Variants in THADA observed in about 807,000 individuals in gnomAD.
THADA encodes THADA armadillo repeat containing.
Under a neutral mutation model 219.8 loss-of-function variants are expected in THADA, and 213 were observed. The ratio of observed to expected loss-of-function variants is 0.97; its 90% CI spans 0.87 to 1.09. The LOEUF (loss-of-function observed/expected upper bound fraction) is 1.09, where lower values mean the gene tolerates loss of function less well. Among genes scored for constraint, THADA ranks in the 50% least tolerant of loss-of-function variants. THADA has a pLI of 0.00. For missense variants in THADA, 2,956 were observed against 2,311.3 expected (o/e 1.28, Z -5.72); for synonymous variants, 1,018 against 828.9 (o/e 1.23, Z -3.92).
At chr2:43,288,374 T>A (rs1170413148) in intron 34 of THADA, among the ~76,000 whole-genome samples, 1 of 152,220 alleles carries the variant, frequency 6.6e-6, no homozygotes, top group Non-Finnish European at 1.5e-5. Flanking sequence ...GCCAAGATCA[T>A]GCCACTGCAC....
intron 26 of THADA, among the ~76,000 whole-genome samples, chr2:43,481,641 C>G (rs1011015856): frequency 5.3e-5 from 8 of 152,184 alleles, no homozygotes; most frequent in African/African-American, 1.9e-4. Context: ...GTATCTGACT[C>G]ACATGTAACA....
chr2:43,292,189 C>A lies in THADA; in HGVS notation c.4852G>T (p.Glu1618Ter). Reference sequence around the variant, plus strand: ...CAGTGCTCCGTCTGGGGAAGCCACTCACCAGGGTCCATGCAGTGGAGAATT... The same window carrying A: ...CAGTGCTCCGTCTGGGGAAGCCACTAACCAGGGTCCATGCAGTGGAGAATT... ...LKILHCMDPG[E>*]WLPQTEHCVH... Residue 1618 changes from glutamate to a stop codon, truncating the protein, a stop_gained, in exon 33 of 38, where the codon GAG becomes TAG. Transcript: ENST00000405975. LOFTEE classifies it high-confidence loss of function. The A allele has an allele frequency of 6.2e-7, 1 of 1,611,662 alleles. No individual in the cohort carries two copies.
intron 30 of THADA, among the ~76,000 whole-genome samples, chr2:43,332,103 T>A (rs1380871824): frequency 6.6e-6 from 1 of 152,246 alleles, no homozygotes; most frequent in Non-Finnish European, 1.5e-5. Flanking sequence ...ATTATTTTTT[T>A]GAGACAGAAT....
chr2:43,311,654 A>G (rs891994501), intron 31 of THADA, among the ~76,000 whole-genome samples: 4 of 152,256 alleles, frequency 2.6e-5, no homozygotes, highest in African/African-American at 7.2e-5. Flanking sequence ...ACAAAATGTG[A>G]TATCTATATA....
chr2:43,322,160 A>G lies in THADA; in HGVS notation c.4344-1620T>C, dbSNP rs546795527. On this transcript the variant is annotated intron_variant, in intron 30 of 37. Transcript: ENST00000405975. The stretch of plus-strand genomic sequence containing the variant: ...GTGATTATCCTGCCTCAGCCTCCCA[A>G]GTAGCTGGGATTACAGGGGGTAAGA... Among the ~76,000 whole-genome samples the G allele has an allele frequency of 5.3e-5, 8 of 152,006 alleles. No individual in the cohort carries two copies. The East Asian group carries it at 7.8e-4, about 15-fold the overall frequency.
intron 4 of THADA, among the ~76,000 whole-genome samples, 180 bp downstream of exon 4, chr2:43,590,644 C>CAAAAAAA (rs768406325): frequency 1.7e-5 from 1 of 59,232 alleles, no homozygotes; most frequent in Admixed American, 1.7e-4. Flanking sequence ...GACTCCGTCT[C>CAAAAAAA]AAAAAAAAAA....
chr2:43,232,876 G>A lies in THADA; in HGVS notation c.5303C>T (p.Ala1768Val). Residue 1768 changes from alanine to valine, a missense_variant, in exon 37 of 38, where the codon GCC becomes GTC. By Grantham distance (64) the Ala-to-Val change is moderately conservative (BLOSUM62 0). Coordinates refer to ENST00000405975, the MANE Select transcript of THADA (RefSeq NM_022065.5). ...QENTCQSTEF[A>V]FCQVDASIAL... ...GATGGAGGCATCCACCTGGCAGAAG[G>A]CAAACTCTGCAAAGACAGGAGAAAG... The A allele has an allele frequency of 1.2e-6, 2 of 1,607,906 alleles. No individual in the cohort carries two copies. Among genetic ancestry groups the A allele is most frequent in the Middle Eastern group, 1.7e-4 (1 of 6,008 alleles).
chr2:43,249,177 TC>T (rs1285665881), intron 36 of THADA, among the ~76,000 whole-genome samples: 2 of 151,960 alleles, frequency 1.3e-5, no homozygotes, highest in Non-Finnish European at 2.9e-5. Flanking sequence ...AGCCTCAACC[TC>T]CTGGGCTCAA....
intron 7 of THADA, among the ~76,000 whole-genome samples, chr2:43,582,249 C>T (rs1015012553): frequency 6.6e-6 from 1 of 152,154 alleles, no homozygotes; most frequent in African/African-American, 2.4e-5. Flanking sequence ...GTAATCCCAG[C>T]ACTTTGGTAG....
chr2:43,448,944 G>A (rs1280350264), intron 26 of THADA, among the ~76,000 whole-genome samples: 1 of 152,048 alleles, frequency 6.6e-6, no homozygotes, highest in Admixed American at 6.5e-5. Context: ...AAGAAACAGG[G>A]AAAGATAGCC....
chr2:43,266,882 C>T (rs1041592457), intron 36 of THADA, among the ~76,000 whole-genome samples: 1 of 152,220 alleles, frequency 6.6e-6, no homozygotes, highest in African/African-American at 2.4e-5. Flanking sequence ...GGGTGCCAAA[C>T]TTGAGCCTCC....
At chr2:43,528,025 GTTTACAT>G in intron 21 of THADA, 37 bp from the exon 22 acceptor site, 1 of 1,420,578 alleles carries the variant, frequency 7.0e-7, no homozygotes, top group Non-Finnish European at 9.7e-7. Flanking sequence ...TCCGATTTAT[GTTTACAT>G]TCGCAAGTGT....
chr2:43,282,654 T>A (rs989211054), intron 35 of THADA, among the ~76,000 whole-genome samples: 2 of 152,188 alleles, frequency 1.3e-5, no homozygotes, highest in African/African-American at 2.4e-5. Flanking sequence ...GGGTTGGGGT[T>A]GAAGCACAGC....
chr2:43,499,756 G>A (rs1290730282), intron 24 of THADA, among the ~76,000 whole-genome samples: 2 of 151,540 alleles, frequency 1.3e-5, no homozygotes, highest in Non-Finnish European at 2.9e-5. Context: ...TTTTGAAGAC[G>A]CTACCTACAT....
intron 26 of THADA, among the ~76,000 whole-genome samples, chr2:43,481,114 G>T (rs1464102459): frequency 6.6e-6 from 1 of 152,208 alleles, no homozygotes; most frequent in East Asian, 1.9e-4. Flanking sequence ...AAGCCAGTCT[G>T]TCTGGAAATT....
chr2:43,314,286 TTACACA>T (rs765089262), intron 31 of THADA, among the ~76,000 whole-genome samples: 1 of 151,778 alleles, frequency 6.6e-6, no homozygotes, highest in Non-Finnish European at 1.5e-5. Context: ...TTTCAATATA[TTACACA>T]TACACATAAT....
At chr2:43,541,640 C>G (rs1204244846) in intron 20 of THADA, among the ~76,000 whole-genome samples, 1 of 151,970 alleles carries the variant, frequency 6.6e-6, no homozygotes, top group African/African-American at 2.4e-5. Flanking sequence ...TCCCTAGTAG[C>G]TGGGACTACA....
chr2:43,334,169 G>A (rs1666116581), intron 30 of THADA, among the ~76,000 whole-genome samples: 1 of 152,140 alleles, frequency 6.6e-6, no homozygotes, highest in Admixed American at 6.5e-5. Flanking sequence ...GCTCAGTGGG[G>A]TCCAGTAAGT....
At chr2:43,265,640 A>T (rs1037980103) in intron 36 of THADA, among the ~76,000 whole-genome samples, 3 of 152,142 alleles carry the variant, frequency 2.0e-5, no homozygotes, top group African/African-American at 7.2e-5. Context: ...AGGCAGGAGG[A>T]GCTGAATGAG....
Sources: allele counts gnomAD v4.1 joint callset (sites outside exome capture counted in the v4.1 genomes callset), GRCh38; gene constraint gnomAD v4.1.1; transcripts MANE v1.5; gene names NCBI Gene and HGNC (gene_info 2026-07-23, HGNC 2026-07-21).